MAMLD1: variants seen among roughly 807,000 people sequenced by gnomAD.
MAMLD1 encodes the protein mastermind-like domain-containing protein 1.
A neutral mutation model predicts 45.0 loss-of-function variants in MAMLD1; 14 were observed. The ratio of observed to expected loss-of-function variants is 0.31; its 90% CI spans 0.21 to 0.49. The LOEUF (loss-of-function observed/expected upper bound fraction) is 0.49. Ranked by LOEUF, MAMLD1 falls within the 20% of genes least tolerant of loss-of-function variation. MAMLD1 has a pLI of 0.99. For missense variants in MAMLD1, 543 were observed against 603.6 expected, an observed-to-expected ratio of 0.90 and a Z score of 1.05; for synonymous variants, 254 against 247.8, an observed-to-expected ratio of 1.02 and a Z score of -0.24.
At chrX:150,375,961 T>C (rs2032297099) in intron 1 of MAMLD1, among the ~76,000 whole-genome samples, 1 of 111,962 alleles carries the variant, frequency 8.9e-6, no homozygotes, top group African/African-American at 3.3e-5. Context: ...TTTCTGAGTC[T>C]GGGAGGAGTC....
intron 1 of MAMLD1, among the ~76,000 whole-genome samples, chrX:150,410,485 C>T (rs2034098756): frequency 9.0e-6 from 1 of 111,571 alleles, no homozygotes; most frequent in Non-Finnish European, 1.9e-5. Flanking sequence ...GACAGAAAAA[C>T]AATCAGCATT....
intron 1 of MAMLD1, among the ~76,000 whole-genome samples, chrX:150,388,628 T>C (rs1557402103): frequency 6.2e-5 from 7 of 112,066 alleles, no homozygotes; most frequent in Non-Finnish European, 1.3e-4. Context: ...GTAGAGTTTT[T>C]GGTAATATTC....
intron 1 of MAMLD1, among the ~76,000 whole-genome samples, chrX:150,423,976 G>T (rs189473738): frequency 8.9e-6 from 1 of 112,271 alleles, no homozygotes; most frequent in East Asian, 2.8e-4. Flanking sequence ...ACATTACTTT[G>T]AAGGCTAGTT....
Position 150,403,968 on chromosome X carries a change from G to GAAAGAAAGAA in MAMLD1, c.-64+40440_-64+40449dup, listed in dbSNP as rs1557402578. Among the ~76,000 whole-genome samples the GAAAGAAAGAA allele has an allele frequency of 7.5e-3, 670 of 89,870 alleles. 6 individuals carry two copies. Among genetic ancestry groups the GAAAGAAAGAA allele is most frequent in the African/African-American group, 0.023 (529 of 23,378 alleles). 78.0% of individuals were successfully genotyped at this position (89,870 alleles called of 115,157 possible). A position where few individuals can be genotyped will look rare whatever the true frequency, so the allele number is the denominator to read the frequency against. ...AGAAAGAAAGAAAGAAAGAAAGAAA[G>GAAAGAAAGAA]AAAGAAAGAAAGAAAGAAAGAAAGA... On this transcript the variant is annotated intron_variant, in intron 1 of 7. Coordinates refer to ENST00000370401, the MANE Select transcript of MAMLD1 (RefSeq NM_005491.5).
rs146810260 is a variant in MAMLD1, at chrX:150,376,168, C to A, written c.-64+12638C>A. On this transcript the variant is annotated intron_variant, in intron 1 of 7. Transcript: ENST00000370401. Reference sequence around the variant, plus strand: ...TCCAGCTCTGGCATTTCTGAATTCTCCAGTAGCAAGTTAAACTCTAAGTTA... The same window carrying A: ...TCCAGCTCTGGCATTTCTGAATTCTACAGTAGCAAGTTAAACTCTAAGTTA... Among the ~76,000 whole-genome samples, 596 of 111,822 alleles carry A rather than the reference C, an allele frequency of 5.3e-3. 2 individuals carry two copies. Among genetic ancestry groups the A allele is most frequent in the African/African-American group, 0.019 (577 of 30,824 alleles).
intron 5 of MAMLD1, among the ~76,000 whole-genome samples, chrX:150,502,829 G>A (rs1399866441): frequency 9.1e-6 from 1 of 110,255 alleles, no homozygotes; most frequent in Admixed American, 9.6e-5. Context: ...GGTGGTCACT[G>A]GGGTGGGGTG....
At chrX:150,401,597 G>A (rs1255498590) in intron 1 of MAMLD1, among the ~76,000 whole-genome samples, 2 of 110,073 alleles carry the variant, frequency 1.8e-5, no homozygotes, top group Non-Finnish European at 3.8e-5. Context: ...AACCAAAAAA[G>A]AGCCTGCATC....
intron 1 of MAMLD1, among the ~76,000 whole-genome samples, chrX:150,390,068 T>C (rs1049394214): frequency 9.0e-6 from 1 of 111,690 alleles, no homozygotes; most frequent in Non-Finnish European, 1.9e-5. Context: ...TGTTTGTCTG[T>C]TTTTGTTTTT....
intron 1 of MAMLD1, among the ~76,000 whole-genome samples, chrX:150,379,805 C>T (rs1327674414): frequency 8.9e-6 from 1 of 111,948 alleles, no homozygotes; most frequent in Admixed American, 9.4e-5. Flanking sequence ...CTCTTTTGAG[C>T]TTTGCTTGTT....
chrX:150,493,881 A>T (rs1415460239), intron 5 of MAMLD1, among the ~76,000 whole-genome samples: 1 of 112,360 alleles, frequency 8.9e-6, no homozygotes, highest in African/African-American at 3.2e-5. Context: ...CACAAACCTC[A>T]TGGCATAATA....
At chrX:150,432,540 T>G (rs1238510937) in intron 1 of MAMLD1, among the ~76,000 whole-genome samples, 1 of 112,291 alleles carries the variant, frequency 8.9e-6, no homozygotes, top group Admixed American at 9.5e-5. Flanking sequence ...CCAGGATTTT[T>G]ATAGTTTGAA....
intron 1 of MAMLD1, among the ~76,000 whole-genome samples, chrX:150,402,908 T>A (rs1393862445): frequency 2.7e-5 from 3 of 109,909 alleles, no homozygotes; most frequent in African/African-American, 1.0e-4. Context: ...AACATCACAC[T>A]CTGGGGACTG....
In MAMLD1 at chrX:150,471,443, T is replaced by C; in HGVS notation, c.1870T>C (p.Phe624Leu). The C allele has an allele frequency of 2.5e-6, 3 of 1,211,677 alleles. No homozygotes were observed. The highest frequency in any genetic ancestry group is 3.4e-6 in the Non-Finnish European group (3 of 895,258). The change falls in exon 4 of 8, where the codon TTT becomes CTT. Residue 624 changes from phenylalanine to leucine, a missense_variant. Phe to Leu is a conservative substitution (Grantham distance 22). Transcript: ENST00000370401. ...GCAGATGATGCAGCAACCCCAGCGTTTTCAGCGATCAGTGGCCTCAGATTC... is the reference window on the plus strand; with the variant it reads ...GCAGATGATGCAGCAACCCCAGCGTCTTCAGCGATCAGTGGCCTCAGATTC... ...LQQMMQQPQR[F>L]QRSVASDSMP... is the part of the protein sequence containing the mutation.
At chrX:150,406,183 T>G (rs2033991237) in intron 1 of MAMLD1, among the ~76,000 whole-genome samples, 2 of 111,272 alleles carry the variant, frequency 1.8e-5, no homozygotes, top group Admixed American at 1.9e-4. Context: ...ATAGTGTCTC[T>G]TTTTAACCCT....
At chrX:150,496,881 G>T (rs1200965978) in intron 5 of MAMLD1, among the ~76,000 whole-genome samples, 1 of 112,550 alleles carries the variant, frequency 8.9e-6, no homozygotes, top group African/African-American at 3.2e-5. Flanking sequence ...CTGCCCAGGG[G>T]ATAGTAATTC....
intron 1 of MAMLD1, among the ~76,000 whole-genome samples, chrX:150,398,611 C>G (rs933603332): frequency 3.6e-5 from 4 of 111,218 alleles, no homozygotes; most frequent in African/African-American, 1.3e-4. Flanking sequence ...AAGCACTTGA[C>G]ACAATTGGGA....
rs782488739 is a variant in MAMLD1 at position 150,444,039 on chromosome X, C to T, written c.-63-1415C>T. 2.7e-5 allele frequency among the ~76,000 whole-genome samples: 3 copies of T among 112,345 alleles called. No homozygotes were observed. In the East Asian group the frequency reaches 8.4e-4, roughly 32 times the overall value. ...CTGTTTTAGCTGACTTCCTCTGACA[C>T]TGCTCTGGCAGGGAAGGCGGGCACC... is the stretch of plus-strand genomic sequence containing the variant. On this transcript the variant is annotated intron_variant, in intron 1 of 7. Coordinates refer to ENST00000370401, the MANE Select transcript of MAMLD1 (RefSeq NM_005491.5).
At chrX:150,400,328 A>G (rs2033693048) in intron 1 of MAMLD1, among the ~76,000 whole-genome samples, 1 of 112,465 alleles carries the variant, frequency 8.9e-6, no homozygotes, top group Non-Finnish European at 1.9e-5. Flanking sequence ...AAAGATGTTA[A>G]AAGTCATTGT....
At chrX:150,447,965 A>G (rs2035545453) in intron 2 of MAMLD1, among the ~76,000 whole-genome samples, 1 of 112,492 alleles carries the variant, frequency 8.9e-6, no homozygotes, top group Non-Finnish European at 1.9e-5. Flanking sequence ...GAAAACAAAC[A>G]AACAAACAAA....
Sources: allele counts gnomAD v4.1 joint callset (sites outside exome capture counted in the v4.1 genomes callset), GRCh38; gene constraint gnomAD v4.1.1; transcripts MANE v1.5; gene names NCBI Gene and HGNC (gene_info 2026-07-23, HGNC 2026-07-21).